The following FANCB variants were observed in gnomAD, a reference collection of about 807,000 sequenced individuals.
FANCB encodes Fanconi anemia group B protein.
A neutral mutation model predicts 38.9 loss-of-function variants in FANCB; 5 were observed. The ratio of observed to expected loss-of-function variants is 0.13; its 90% CI spans 0.07 to 0.27. The LOEUF (loss-of-function observed/expected upper bound fraction) is 0.27, where lower values mean the gene tolerates loss of function less well. Among genes scored for constraint, FANCB ranks in the 10% least tolerant of loss-of-function variants. The pLI is 1.00. For missense variants in FANCB, 573 were observed against 602.7 expected (o/e 0.95, Z 0.52); for synonymous variants, 236 against 215.4 (o/e 1.10, Z -0.84).
chrX:14,721,252 T>A, the FANCB span, among the ~76,000 whole-genome samples: 1 of 111,098 alleles, frequency 9.0e-6, no homozygotes, highest in Non-Finnish European at 1.9e-5. Flanking sequence ...GTTTTAGAGA[T>A]GTATTGCATA....
the FANCB span, among the ~76,000 whole-genome samples, chrX:14,703,089 C>T: frequency 9.0e-6 from 1 of 111,711 alleles, no homozygotes; most frequent in East Asian, 2.8e-4. Flanking sequence ...GCAAAGCAGT[C>T]AGGGTCTAGA....
the FANCB span, among the ~76,000 whole-genome samples, chrX:14,781,850 G>A: frequency 6.2e-5 from 7 of 112,080 alleles, no homozygotes; most frequent in Non-Finnish European, 1.3e-4. Context: ...CTAAAAGCAA[G>A]GTCACTCACA....
chrX:14,755,005 G>A, the FANCB span, among the ~76,000 whole-genome samples: 2 of 111,488 alleles, frequency 1.8e-5, no homozygotes, highest in Non-Finnish European at 3.8e-5. Context: ...GTGGTTTAAC[G>A]TATACAAACC....
the FANCB span, among the ~76,000 whole-genome samples, chrX:14,826,751 T>G: frequency 8.9e-6 from 1 of 112,437 alleles, no homozygotes; most frequent in Non-Finnish European, 1.9e-5. Flanking sequence ...TTTTAACTTA[T>G]GTTGTTGTTT....
the FANCB span, among the ~76,000 whole-genome samples, chrX:14,727,556 T>A: frequency 1.3e-4 from 15 of 112,321 alleles, no homozygotes; most frequent in African/African-American, 4.5e-4. Context: ...TTCCTTTTCT[T>A]GCTAAGCACT....
intron 5 of FANCB, among the ~76,000 whole-genome samples, chrX:14,856,255 G>T (rs758016585): frequency 1.5e-4 from 17 of 111,728 alleles, no homozygotes; most frequent in African/African-American, 5.2e-4. Flanking sequence ...CCTTAGAAGA[G>T]ATTTCTAGAA....
chrX:14,760,332 T>C, the FANCB span, among the ~76,000 whole-genome samples: 1 of 111,839 alleles, frequency 8.9e-6, no homozygotes, highest in African/African-American at 3.3e-5. Flanking sequence ...CTCACTCATA[T>C]GTGGAATCTA....
the FANCB span, among the ~76,000 whole-genome samples, chrX:14,793,776 G>C: frequency 1.8e-5 from 2 of 111,884 alleles, no homozygotes; most frequent in African/African-American, 6.5e-5. Flanking sequence ...TTTTAAAGTA[G>C]TGCTATATAA....
At chrX:14,810,332 T>C in the FANCB span, among the ~76,000 whole-genome samples, 23 of 111,496 alleles carry the variant, frequency 2.1e-4, no homozygotes, top group Non-Finnish European at 3.8e-4. Flanking sequence ...CTTTGACGAG[T>C]TGAGAGAAGA....
the FANCB span, among the ~76,000 whole-genome samples, chrX:14,769,060 C>T: frequency 6.3e-5 from 7 of 110,822 alleles, no homozygotes; most frequent in Non-Finnish European, 3.8e-5. Context: ...ACTCAGTTTG[C>T]CAGTGTTTTA....
the FANCB span, among the ~76,000 whole-genome samples, chrX:14,809,513 G>T: frequency 9.0e-6 from 1 of 111,337 alleles, no homozygotes; most frequent in Non-Finnish European, 1.9e-5. Flanking sequence ...AAAAAACGGC[G>T]CACCAGGAGA....
chrX:14,827,383 CATT>C, the FANCB span, among the ~76,000 whole-genome samples: 5 of 111,969 alleles, frequency 4.5e-5, no homozygotes, highest in African/African-American at 1.6e-4. Context: ...ATTTTAAAGC[CATT>C]TTTTGAAATC....
the FANCB span, among the ~76,000 whole-genome samples, chrX:14,691,308 T>C: frequency 2.9e-5 from 3 of 103,240 alleles, no homozygotes; most frequent in Admixed American, 1.0e-4. Context: ...TGTGTGTGTG[T>C]GTGTGTGTGT....
chrX:14,750,026 CAT>C, the FANCB span, among the ~76,000 whole-genome samples: 2 of 112,083 alleles, frequency 1.8e-5, no homozygotes, highest in African/African-American at 6.5e-5. Flanking sequence ...GATAAAATAA[CAT>C]AAAAATTGTA....
chrX:14,811,189 C>A, the FANCB span, among the ~76,000 whole-genome samples: 12 of 111,284 alleles, frequency 1.1e-4, no homozygotes, highest in Non-Finnish European at 2.1e-4. Context: ...AAAGGAACAA[C>A]CGGTACCAGC....
chrX:14,787,205 C>T, the FANCB span, among the ~76,000 whole-genome samples: 8 of 110,531 alleles, frequency 7.2e-5, no homozygotes. Flanking sequence ...TCTTGCCATC[C>T]TTATGAAAAG....
chrX:14,728,708 A>G, the FANCB span, among the ~76,000 whole-genome samples: 4 of 111,664 alleles, frequency 3.6e-5, no homozygotes, highest in African/African-American at 9.8e-5. Context: ...ACTGCGTTGA[A>G]CTCTTCTTCA....
At chrX:14,775,131 C>A in the FANCB span, among the ~76,000 whole-genome samples, 1 of 104,574 alleles carries the variant, frequency 9.6e-6, no homozygotes. Flanking sequence ...CGCACCCGGC[C>A]TCCACTCTGT....
the FANCB span, among the ~76,000 whole-genome samples, chrX:14,809,971 CCT>C: frequency 1.9e-4 from 21 of 111,974 alleles, no homozygotes; most frequent in East Asian, 6.0e-3. Context: ...GCCGGGTACC[CCT>C]CTGAGACAAA....
Sources: gnomAD v4.1 joint callset for allele counts (sites outside exome capture counted in the v4.1 genomes callset) on GRCh38, gnomAD v4.1.1 for gene constraint, MANE v1.5 for transcripts, NCBI Gene and HGNC (gene_info 2026-07-23, HGNC 2026-07-21) for gene names.